Variants in TMEM161B observed in about 807,000 individuals in gnomAD.
TMEM161B encodes the protein transmembrane protein 161B.
Under a neutral mutation model 61.8 loss-of-function variants are expected in TMEM161B, and 34 were observed. The ratio of observed to expected loss-of-function variants is 0.55; its 90% CI spans 0.42 to 0.73. TMEM161B has a LOEUF of 0.73. TMEM161B is among the 30% of genes least tolerant of loss of function. The probability of loss-of-function intolerance (pLI) is 0.00; values close to 1 mark genes in which losing one functional copy is unlikely to be tolerated. For synonymous variants in TMEM161B, 167 were observed against 192.8 expected (o/e 0.87, Z 1.11); for missense variants, 456 against 558.5 (o/e 0.82, Z 1.85).
chr5:88,192,014 A>ATATATATG (rs1748986805), downstream of TMEM161B, among the ~76,000 whole-genome samples: 2 of 93,788 alleles, frequency 2.1e-5, 1 homozygote, highest in African/African-American at 8.9e-5. Context: ...ATATATATAT[A>ATATATATG]TATATATATA....
chr5:88,191,476 C>A (rs1214568624), downstream of TMEM161B, among the ~76,000 whole-genome samples: 4 of 152,142 alleles, frequency 2.6e-5, no homozygotes, highest in African/African-American at 9.7e-5. Context: ...TACAGGCACT[C>A]AACATGTATT....
intron 4 of TMEM161B, chr5:88,221,625 A>G (rs1330350762): frequency 1.3e-5 from 6 of 449,342 alleles, no homozygotes; most frequent in Non-Finnish European, 2.2e-5. Flanking sequence ...CATTCTTAAG[A>G]GTTTACATTG....
intron 2 of TMEM161B, 65 bp from the exon 3 acceptor site, chr5:88,228,593 T>C: frequency 6.1e-6 from 7 of 1,143,248 alleles, no homozygotes; most frequent in South Asian, 1.5e-5. Context: ...CTTCATCCTA[T>C]AAATATTTAT....
intron 1 of TMEM161B, among the ~76,000 whole-genome samples, chr5:88,250,322 T>C (rs1275917656): frequency 6.6e-6 from 1 of 152,082 alleles, no homozygotes; most frequent in Non-Finnish European, 1.5e-5. Context: ...TGCTCTGCTA[T>C]AGCTGTGGGG....
intron 1 of TMEM161B, among the ~76,000 whole-genome samples, chr5:88,257,628 A>G (rs1302924995): frequency 6.6e-6 from 1 of 152,240 alleles, no homozygotes; most frequent in Non-Finnish European, 1.5e-5. Flanking sequence ...CATGTTGTCT[A>G]TGATTGCAAT....
At chr5:88,252,793 G>A (rs903656713) in intron 1 of TMEM161B, among the ~76,000 whole-genome samples, 1 of 152,150 alleles carries the variant, frequency 6.6e-6, no homozygotes, top group Admixed American at 6.5e-5. Flanking sequence ...CATAAAGGAT[G>A]ATCAATCTTT....
downstream of TMEM161B, among the ~76,000 whole-genome samples, chr5:88,191,407 A>T (rs1481297695): frequency 6.6e-6 from 1 of 152,170 alleles, no homozygotes. Context: ...TGGAGGGAAG[A>T]GATTTTGCTG....
chr5:88,217,992 T>C (rs1325489029), intron 5 of TMEM161B, among the ~76,000 whole-genome samples: 1 of 151,028 alleles, frequency 6.6e-6, no homozygotes, highest in Non-Finnish European at 1.5e-5. Flanking sequence ...CGAGCAGAAT[T>C]CCATCAAAGG....
At chr5:88,199,899 C>A (rs1744049303) in intron 9 of TMEM161B, 1 of 151,942 alleles carries the variant, frequency 6.6e-6, no homozygotes, top group Non-Finnish European at 1.5e-5. Flanking sequence ...AACTACATTG[C>A]AAGTAATTTG....
chr5:88,248,690 T>C (rs1331095944), intron 1 of TMEM161B, among the ~76,000 whole-genome samples: 1 of 122,814 alleles, frequency 8.1e-6, no homozygotes, highest in Non-Finnish European at 1.6e-5. Flanking sequence ...CAGAAGCAAA[T>C]GGAGAAACAA....
downstream of TMEM161B, among the ~76,000 whole-genome samples, chr5:88,189,022 T>C (rs998137024): frequency 2.0e-5 from 3 of 152,114 alleles, no homozygotes; most frequent in African/African-American, 7.2e-5. Context: ...CTCACTCTCA[T>C]CTACACTACC....
chr5:88,208,418 C>T (rs557057867), intron 5 of TMEM161B, among the ~76,000 whole-genome samples: 1 of 151,492 alleles, frequency 6.6e-6, no homozygotes, highest in African/African-American at 2.4e-5. Flanking sequence ...GGAGGCGGAG[C>T]TTGCAGTGAG....
intron 2 of TMEM161B, among the ~76,000 whole-genome samples, chr5:88,235,216 G>A (rs1185750375): frequency 6.6e-6 from 1 of 152,142 alleles, no homozygotes; most frequent in Non-Finnish European, 1.5e-5. Context: ...CATTTATAGT[G>A]CTTTAGAAAT....
downstream of TMEM161B, among the ~76,000 whole-genome samples, chr5:88,190,633 G>A (rs1748717102): frequency 6.6e-6 from 1 of 152,350 alleles, no homozygotes; most frequent in South Asian, 2.1e-4. Context: ...CAAGGTGGAA[G>A]CTCGCTGGTG....
chr5:88,225,731 C>T (rs752353273), intron 4 of TMEM161B, 38 bp downstream of exon 4: 68 of 1,362,044 alleles, frequency 5.0e-5, no homozygotes, highest in Non-Finnish European at 6.7e-5. Flanking sequence ...TAATATAAAA[C>T]TGAGATTTAT....
chr5:88,206,058 AC>A, intron 7 of TMEM161B, 104 bp from the exon 8 acceptor site: 1 of 963,258 alleles, frequency 1.0e-6, no homozygotes, highest in South Asian at 1.7e-5. Flanking sequence ...TAACAGTAAA[AC>A]AAAGCAAATT....
intron 1 of TMEM161B, among the ~76,000 whole-genome samples, chr5:88,245,150 C>G (rs2112684930): frequency 6.6e-6 from 1 of 151,906 alleles, no homozygotes; most frequent in East Asian, 1.9e-4. Flanking sequence ...TCTACCAAAC[C>G]TGACTCAACT....
chr5:88,227,597 T>C (rs1393100950), intron 3 of TMEM161B, among the ~76,000 whole-genome samples: 1 of 152,226 alleles, frequency 6.6e-6, no homozygotes, highest in African/African-American at 2.4e-5. Context: ...AAAGACAGTC[T>C]TTTCAAATTT....
intron 5 of TMEM161B, among the ~76,000 whole-genome samples, chr5:88,208,468 T>C (rs33705): frequency 0.53 from 78,460 of 149,286 alleles, 22,960 homozygotes; most frequent in East Asian, 0.78. Flanking sequence ...GGTGACACAG[T>C]GAGACTCCGT....
Sources: allele counts gnomAD v4.1 joint callset (sites outside exome capture counted in the v4.1 genomes callset), GRCh38; gene constraint gnomAD v4.1.1; transcripts MANE v1.5; gene names NCBI Gene and HGNC (gene_info 2026-07-23, HGNC 2026-07-21).